The following UNC79 variants were observed in gnomAD, a reference collection of about 807,000 sequenced individuals.
UNC79 encodes protein unc-79 homolog.
A neutral mutation model predicts 283.1 loss-of-function variants in UNC79; 37 were observed. That is an observed-to-expected ratio of 0.13 (90% CI 0.10 to 0.17). The LOEUF (loss-of-function observed/expected upper bound fraction) is 0.17, where lower values mean the gene tolerates loss of function less well. Among genes scored for constraint, UNC79 ranks in the 10% least tolerant of loss-of-function variants. The pLI is 1.00. For missense variants in UNC79, 2,272 were observed against 3,211.1 expected (o/e 0.71, Z 7.07); for synonymous variants, 1,107 against 1,200.2 (o/e 0.92, Z 1.61).
At chr14:93,333,664 A>G in intron 1 of UNC79, 2 of 379,348 alleles carry the variant, frequency 5.3e-6, no homozygotes, top group Middle Eastern at 1.3e-3. Flanking sequence ...ATGAAAACAC[A>G]CAGTCGCCAC....
rs886311613 is a variant in UNC79 at position 93,651,920 on chromosome 14, T to A, written c.6084-1822T>A. 8.2e-4 allele frequency among the ~76,000 whole-genome samples: 118 copies of A among 144,536 alleles called. 1 individual carries two copies. In the South Asian group the frequency reaches 0.012, roughly 14 times the overall value. The allele number at this position is 144,536 out of a possible 152,430, so 94.8% of individuals were successfully genotyped here. Reference sequence around the variant, plus strand: ...TACCTGGCTAATTTTGTATTTTTTTTTTTTTTTTTTTTTTTTTTTTACTAG... The same window carrying A: ...TACCTGGCTAATTTTGTATTTTTTTATTTTTTTTTTTTTTTTTTTTACTAG... On this transcript the variant is annotated intron_variant, in intron 35 of 48. Coordinates refer to ENST00000555664, the Ensembl canonical transcript of UNC79.
In UNC79 at chr14:93,530,777, C is replaced by T. The variant is rs61992641; in HGVS notation, c.1093+1451C>T. ...ACAAAAAATTAGCCGGGCGTGGCGGCGGGCACCTGTAGTCCCAGCTACTCG... is the reference window on the plus strand; with the variant it reads ...ACAAAAAATTAGCCGGGCGTGGCGGTGGGCACCTGTAGTCCCAGCTACTCG... On this transcript the variant is annotated intron_variant, in intron 10 of 48. Transcript: ENST00000555664. Among the ~76,000 whole-genome samples the T allele has an allele frequency of 8.6e-3, 1,303 of 152,146 alleles. 7 individuals carry two copies. Among genetic ancestry groups the T allele is most frequent in the Middle Eastern group, 0.014 (4 of 294 alleles).
At chr14:93,585,997 C>T (rs756634403) in intron 20 of UNC79, among the ~76,000 whole-genome samples, 24 of 151,774 alleles carry the variant, frequency 1.6e-4, no homozygotes, top group Admixed American at 6.6e-4. Context: ...ATTCTCTTGC[C>T]GCAGCCCCCA....
At chr14:93,563,293 A>G (rs1256525503) in intron 14 of UNC79, among the ~76,000 whole-genome samples, 1 of 152,174 alleles carries the variant, frequency 6.6e-6, no homozygotes, top group Non-Finnish European at 1.5e-5. Context: ...GCCCAGAGCA[A>G]TGGGATCTGA....
At chr14:93,687,205 A>G (rs980397995) in intron 43 of UNC79, among the ~76,000 whole-genome samples, 3 of 152,226 alleles carry the variant, frequency 2.0e-5, no homozygotes, top group Admixed American at 6.5e-5. Flanking sequence ...CATTATGCAA[A>G]CATACACCAT....
intron 1 of UNC79, among the ~76,000 whole-genome samples, chr14:93,423,659 A>G (rs891305308): frequency 6.6e-6 from 1 of 152,262 alleles, no homozygotes; most frequent in Admixed American, 6.5e-5. Context: ...CTGGATGTCC[A>G]TATGTGAAAG....
rs540113671 is a variant in UNC79 at position 93,690,253 on chromosome 14, G to A, written c.7222G>A (p.Val2408Ile). 21 of 1,614,080 alleles carry A rather than the reference G, an allele frequency of 1.3e-5. No individual in the cohort carries two copies. In the South Asian group the frequency reaches 1.4e-4, roughly 11 times the overall value. ...CATTCCTCTGGATGCAGGCTCCCACGTTGCAGACCATCTTATTGTTATCCT... is the reference window on the plus strand; with the variant it reads ...CATTCCTCTGGATGCAGGCTCCCACATTGCAGACCATCTTATTGTTATCCT... Residue 2408 changes from valine to isoleucine, a missense_variant, in exon 45 of 49, where the codon GTT (valine) becomes ATT (isoleucine). Physicochemically the swap from Val to Ile is conservative, Grantham distance 29 (BLOSUM62 3). Around this residue, in one of 11 missense-constraint regions of UNC79, gnomAD observed 225 missense variants for 334.2 expected, o/e 0.67. Coordinates refer to ENST00000555664, the Ensembl canonical transcript of UNC79. This position sits in a 1 kb window ranked among gnomAD's most constrained non-coding sequence, Gnocchi z 4.3.
intron 7 of UNC79, among the ~76,000 whole-genome samples, chr14:93,516,450 T>TGGG (rs34400311): frequency 2.8e-3 from 222 of 78,148 alleles, no homozygotes; most frequent in Middle Eastern, 6.0e-3. Flanking sequence ...ATATTTTTTT[T>TGGG]GGGGGGGGGG....
chr14:93,691,629 C>T (rs1351821251), intron 45 of UNC79, 120 bp from the exon 49 acceptor site: 3 of 976,458 alleles, frequency 3.1e-6, no homozygotes, highest in Admixed American at 1.8e-5. Flanking sequence ...TCTGAGATAA[C>T]GTTATGCCTT....
At chr14:93,598,409 T>TGTGG (rs1266068455) in intron 24 of UNC79, among the ~76,000 whole-genome samples, 535 of 38,954 alleles carry the variant, frequency 0.014, 5 homozygotes, top group African/African-American at 0.021. Context: ...TGTGTGTGTG[T>TGTGG]GGCAGATTTT....
At chr14:93,418,677 A>G (rs533332583) in intron 1 of UNC79, among the ~76,000 whole-genome samples, 18 of 151,978 alleles carry the variant, frequency 1.2e-4, no homozygotes, top group African/African-American at 4.3e-4. Flanking sequence ...GGCTCCACCC[A>G]GTTCGAGCTT....
intron 1 of UNC79, among the ~76,000 whole-genome samples, chr14:93,440,731 G>A (rs1188389494): frequency 1.3e-5 from 2 of 151,858 alleles, no homozygotes; most frequent in African/African-American, 2.4e-5. Flanking sequence ...ATGTGGAAGG[G>A]CATTTTTGTT....
chr14:93,637,199 C>A lies in UNC79; in HGVS notation c.5717-17C>A, dbSNP rs1162930676. 9.6e-7 allele frequency: 1 copy of A among 1,043,906 alleles called. No homozygotes were observed. The highest frequency in any genetic ancestry group is 1.3e-5 in the South Asian group (1 of 79,692). The allele number at this position is 1,043,906 out of a possible 1,614,324, so 64.7% of individuals were successfully genotyped here. ...AGATGACCACATCAAAGACTGAAAC[C>A]CTCTATTTATCCACAGAACAGATAC... On this transcript the variant is annotated splice_polypyrimidine_tract_variant and intron_variant, in intron 31 of 48. Transcript: ENST00000555664.
chr14:93,636,326 T>C (rs1342077464), intron 31 of UNC79, among the ~76,000 whole-genome samples: 4 of 152,192 alleles, frequency 2.6e-5, no homozygotes, highest in Non-Finnish European at 5.9e-5. Flanking sequence ...ATCCTCCAAA[T>C]TGGTTCTCGT....
At chr14:93,659,009 T>C (rs2071253307) in intron 38 of UNC79, among the ~76,000 whole-genome samples, 184 bp from the exon 42 acceptor site, 2 of 152,238 alleles carry the variant, frequency 1.3e-5, no homozygotes, top group South Asian at 2.1e-4. Context: ...AATTGTTTAA[T>C]TAAAATTGTT....
At position 93,482,937 on chromosome 14, in the gene UNC79, T is replaced by G. The variant is rs189543314; in HGVS notation, c.620-4726T>G. On this transcript the variant is annotated intron_variant, in intron 4 of 48. Transcript: ENST00000555664. ...CCTTCCTTAGCTCACAGGCCCTCTATGACCTGACCCTTGACTACCTTCCTG... is the reference window on the plus strand; with the variant it reads ...CCTTCCTTAGCTCACAGGCCCTCTAGGACCTGACCCTTGACTACCTTCCTG... Among the ~76,000 whole-genome samples, 12 of 152,290 alleles carry G rather than the reference T, an allele frequency of 7.9e-5. No individual in the cohort carries two copies. In the East Asian group the frequency reaches 2.1e-3, roughly 27 times the overall value.
At chr14:93,661,977 A>G (rs528258487) in intron 39 of UNC79, among the ~76,000 whole-genome samples, 1 of 152,204 alleles carries the variant, frequency 6.6e-6, no homozygotes, top group Admixed American at 6.5e-5. Flanking sequence ...ATATGAAATC[A>G]TCCATCTAAC....
chr14:93,684,755 T>C (rs1467941534), intron 42 of UNC79, among the ~76,000 whole-genome samples: 1 of 152,228 alleles, frequency 6.6e-6, no homozygotes, highest in South Asian at 2.1e-4. Context: ...TTTCCTATAT[T>C]AAACATGTGT....
intron 1 of UNC79, among the ~76,000 whole-genome samples, chr14:93,369,274 A>G (rs530021620): frequency 1.6e-4 from 24 of 152,370 alleles, no homozygotes; most frequent in African/African-American, 5.8e-4. Context: ...CTGTTCTTCA[A>G]CATATTCCTG....
Sources: gnomAD v4.1 joint callset for allele counts (sites outside exome capture counted in the v4.1 genomes callset) on GRCh38, gnomAD v4.1.1 for gene constraint, gnomAD v4.1.1 regional missense constraint, Gnocchi (gnomAD v3.1) non-coding constraint, MANE v1.5 for transcripts, NCBI Gene and HGNC (gene_info 2026-07-23, HGNC 2026-07-21) for gene names.